Variants in NBEA observed in about 807,000 individuals in gnomAD.
The protein encoded by NBEA is lysosomal-trafficking regulator 2.
NBEA carries 44 observed loss-of-function variants against 343.4 expected under a neutral mutation model. The observed-to-expected ratio is 0.13, with a 90% confidence interval of 0.10 to 0.16. The LOEUF (loss-of-function observed/expected upper bound fraction) is 0.16. Among genes scored for constraint, NBEA ranks in the 10% least tolerant of loss-of-function variants. The probability of loss-of-function intolerance (pLI) is 1.00; values close to 1 mark genes in which losing one functional copy is unlikely to be tolerated. For missense variants in NBEA, 2,555 were observed against 3,631.3 expected (o/e 0.70, Z 7.62); for synonymous variants, 1,175 against 1,238.7 (o/e 0.95, Z 1.08).
At chr13:34,973,755 G>A (rs906954152) in intron 1 of NBEA, among the ~76,000 whole-genome samples, 3 of 152,186 alleles carry the variant, frequency 2.0e-5, no homozygotes, top group African/African-American at 7.2e-5. Context: ...AAGCCAGTGG[G>A]TCTTATCCTC....
intron 10 of NBEA, among the ~76,000 whole-genome samples, chr13:35,079,527 A>G (rs887905171): frequency 3.3e-5 from 5 of 152,310 alleles, no homozygotes; most frequent in African/African-American, 4.8e-5. Flanking sequence ...ATTTAAAACT[A>G]AATGGTAAAG....
At chr13:35,183,733 C>A (rs2071480505) in intron 29 of NBEA, among the ~76,000 whole-genome samples, 1 of 151,822 alleles carries the variant, frequency 6.6e-6, no homozygotes, top group South Asian at 2.1e-4. Context: ...GTATAGTGAA[C>A]CTTCTAGTTC....
chr13:35,236,616 A>T (rs77397990), intron 34 of NBEA, among the ~76,000 whole-genome samples: 3 of 138,622 alleles, frequency 2.2e-5, no homozygotes, highest in South Asian at 2.3e-4. Context: ...CCAGATATAT[A>T]TTTTTTTTTT....
rs543415528 is a variant in NBEA at position 35,123,277 on chromosome 13, C to A, written c.2244-205C>A. 3.9e-5 allele frequency among the ~76,000 whole-genome samples: 6 copies of A among 152,096 alleles called. No homozygotes were observed. The East Asian group carries it at 1.2e-3, about 29-fold the overall frequency. ...TACTTATGAACACCAGTCACATTGC[C>A]CTTTTGAGTGTATGGCTGAAGGACT... On this transcript the variant is annotated intron_variant, in intron 16 of 58. Transcript: ENST00000379939.
chr13:35,411,647 T>TGTTG (rs1555256230), intron 38 of NBEA, among the ~76,000 whole-genome samples: 4 of 148,532 alleles, frequency 2.7e-5, no homozygotes, highest in Admixed American at 6.7e-5. Context: ...TGTTTTTTGT[T>TGTTG]TTGTTGTTGT....
At chr13:35,013,021 G>C (rs1228497148) in intron 1 of NBEA, among the ~76,000 whole-genome samples, 3 of 152,040 alleles carry the variant, frequency 2.0e-5, no homozygotes, top group Non-Finnish European at 4.4e-5. Flanking sequence ...TTATCAAATA[G>C]ATAGTTAATA....
chr13:35,549,894 A>T (rs1566305244), intron 41 of NBEA, among the ~76,000 whole-genome samples: 1 of 152,168 alleles, frequency 6.6e-6, no homozygotes, highest in Non-Finnish European at 1.5e-5. Flanking sequence ...TTGTAAATAA[A>T]ATTTTGTTGG....
At chr13:35,392,222 C>T (rs1363178309) in intron 38 of NBEA, among the ~76,000 whole-genome samples, 1 of 151,798 alleles carries the variant, frequency 6.6e-6, no homozygotes, top group Non-Finnish European at 1.5e-5. Flanking sequence ...AAAATGAAAG[C>T]AAAAGAAAAG....
intron 41 of NBEA, among the ~76,000 whole-genome samples, chr13:35,530,132 A>G (rs2152997886): frequency 6.6e-6 from 1 of 152,322 alleles, no homozygotes; most frequent in East Asian, 1.9e-4. Context: ...CATTAATATG[A>G]AGTAACATGG....
intron 1 of NBEA, among the ~76,000 whole-genome samples, chr13:35,016,621 C>T (rs371496410): frequency 2.3e-5 from 3 of 132,496 alleles, no homozygotes; most frequent in Non-Finnish European, 3.3e-5. Context: ...CACACACACA[C>T]ATTTATTTAT....
chr13:35,306,084 G>A (rs1376331944), intron 35 of NBEA, among the ~76,000 whole-genome samples: 1 of 152,124 alleles, frequency 6.6e-6, no homozygotes, highest in Non-Finnish European at 1.5e-5. Context: ...GCAGAAAGCA[G>A]GATAGACAGA....
chr13:35,207,172 A>G (rs1937841031), intron 31 of NBEA, among the ~76,000 whole-genome samples: 1 of 151,982 alleles, frequency 6.6e-6, no homozygotes, highest in Non-Finnish European at 1.5e-5. Flanking sequence ...TATTACAAAT[A>G]TAGATTATTA....
Position 35,161,911 on chromosome 13 carries a change from G to T in NBEA, c.4023G>T (p.Gln1341His). 1 of 1,568,676 alleles carries T rather than the reference G, an allele frequency of 6.4e-7. No individual in the cohort carries two copies. Among genetic ancestry groups the T allele is most frequent in the Non-Finnish European group, 8.6e-7 (1 of 1,156,346 alleles). The change falls in exon 23 of 59, where the codon CAG becomes CAT. Residue 1341 changes from glutamine (Q) to histidine (H), a missense_variant. Gln to His is a conservative substitution (Grantham distance 24). Transcript: ENST00000379939. ...IPEFKWSPMHQRLLTDLLFAL... is the reference protein window; with the variant it reads ...IPEFKWSPMHHRLLTDLLFAL... Reference sequence around the variant, plus strand: ...AGTTTAAATGGTCTCCAATGCACCAGCGGCTTCTCACTGATTTACTATTTG... The same window carrying T: ...AGTTTAAATGGTCTCCAATGCACCATCGGCTTCTCACTGATTTACTATTTG...
chr13:35,095,138 C>T (rs1239177432), intron 10 of NBEA, among the ~76,000 whole-genome samples: 1 of 151,486 alleles, frequency 6.6e-6, no homozygotes, highest in African/African-American at 2.4e-5. Flanking sequence ...TTAGTTGTAT[C>T]TTTATGATAT....
chr13:34,988,496 G>A (rs2060638571), intron 1 of NBEA, among the ~76,000 whole-genome samples: 1 of 150,990 alleles, frequency 6.6e-6, no homozygotes, highest in Non-Finnish European at 1.5e-5. Context: ...TCAAGCCTCA[G>A]CAATGGCAGA....
At position 35,175,775 on chromosome 13, in the gene NBEA, A is replaced by G. The variant is rs74048933; in HGVS notation, c.4555-1221A>G. 2.7e-3 allele frequency among the ~76,000 whole-genome samples: 406 copies of G among 152,242 alleles called. 3 individuals carry two copies. The highest frequency in any genetic ancestry group is 9.3e-3 in the African/African-American group (387 of 41,560). On this transcript the variant is annotated intron_variant, in intron 27 of 58. Coordinates refer to ENST00000379939, the MANE Select transcript of NBEA (RefSeq NM_001385012.1). ...TTCTTATGTGACATTTTAGGAAGTAAATCGAGTAATTTTTGAATGCAGTGG... is the reference window on the plus strand; with the variant it reads ...TTCTTATGTGACATTTTAGGAAGTAGATCGAGTAATTTTTGAATGCAGTGG...
At chr13:35,519,267 T>G (rs2077601285) in intron 41 of NBEA, among the ~76,000 whole-genome samples, 1 of 152,242 alleles carries the variant, frequency 6.6e-6, no homozygotes, top group African/African-American at 2.4e-5. Flanking sequence ...TTCAAAATTC[T>G]AGTCCACATA....
At chr13:35,334,339 A>G (rs1226097094) in intron 36 of NBEA, among the ~76,000 whole-genome samples, 1 of 152,116 alleles carries the variant, frequency 6.6e-6, no homozygotes, top group East Asian at 1.9e-4. Context: ...GCATGATCTT[A>G]GCTCACTGCA....
At chr13:35,032,627 G>A (rs1363025918) in intron 1 of NBEA, among the ~76,000 whole-genome samples, 3 of 151,412 alleles carry the variant, frequency 2.0e-5, no homozygotes, top group Admixed American at 1.3e-4. Context: ...TACTCATAGT[G>A]TACAAGTGTT....
Sources: gnomAD v4.1 joint callset for allele counts (sites outside exome capture counted in the v4.1 genomes callset) on GRCh38, gnomAD v4.1.1 for gene constraint, MANE v1.5 for transcripts, NCBI Gene and HGNC (gene_info 2026-07-23, HGNC 2026-07-21) for gene names.